Variants in HOXA10 observed in about 807,000 individuals in gnomAD.
The protein encoded by HOXA10 is homeobox A10.
A neutral mutation model predicts 29.7 loss-of-function variants in HOXA10; 12 were observed. That is an observed-to-expected ratio of 0.40 (90% CI 0.26 to 0.65). The LOEUF (loss-of-function observed/expected upper bound fraction) is 0.65, where lower values mean the gene tolerates loss of function less well. Ranked by LOEUF, HOXA10 falls within the 30% of genes least tolerant of loss-of-function variation. The pLI, the probability that HOXA10 is intolerant of heterozygous loss-of-function variation, is 0.37. For missense variants in HOXA10, 656 were observed against 585.9 expected, an observed-to-expected ratio of 1.12 and a Z score of -1.24; for synonymous variants, 327 against 280.7, an observed-to-expected ratio of 1.16 and a Z score of -1.65.
chr7:27,172,255 C>G (rs1562509926), intron 1 of HOXA10, 82 bp from the exon 2 acceptor site: 4 of 1,394,304 alleles, frequency 2.9e-6, no homozygotes, highest in Non-Finnish European at 4.1e-6. Context: ...CTCCGTTTCT[C>G]CCATAAGAGA....
At chr7:27,179,810 T>C (rs1425683625) in exon 1 of HOXA10, 4 of 701,874 alleles carry the variant, frequency 5.7e-6, no homozygotes, top group Middle Eastern at 2.3e-4. Context: ...AGTGAAATAA[T>C]GTACCGTGCT....
chr7:27,173,421 A>G lies in HOXA10; in HGVS notation c.886T>C (p.Ser296Pro). The G allele has an allele frequency of 6.2e-7, 1 of 1,606,794 alleles. No individual in the cohort carries two copies. Among genetic ancestry groups the G allele is most frequent in the Middle Eastern group, 1.9e-4 (1 of 5,242 alleles). Reference protein sequence around the residue: ...SQGDEEAHASSSAAEELSPAP... With the variant: ...SQGDEEAHASPSAAEELSPAP... ...GGGGAGAGCTCCTCCGCGGCCGAGG[A>G]CGACGCGTGCGCCTCCTCGTCGCCC... The change falls in exon 1 of 2, where the codon TCC becomes CCC. Residue 296 changes from serine (S) to proline (P), a missense_variant. Around this residue, in one of 2 missense-constraint regions of HOXA10, gnomAD observed 594 missense variants for 491.9 expected, o/e 1.21. Coordinates refer to ENST00000283921, the MANE Select transcript of HOXA10 (RefSeq NM_018951.4).
intron 1 of HOXA10, 73 bp from the exon 2 acceptor site, chr7:27,172,246 T>C: frequency 7.0e-7 from 1 of 1,437,806 alleles, no homozygotes; most frequent in East Asian, 2.3e-5. Flanking sequence ...GTGAATTGCC[T>C]CCGTTTCTCC....
chr7:27,179,704 T>A, exon 1 of HOXA10: 1 of 772,756 alleles, frequency 1.3e-6, no homozygotes, highest in Non-Finnish European at 2.4e-6. Context: ...GCGGCGACGC[T>A]CGCGAGGCCT....
At chr7:27,178,391 G>A (rs1217244776), upstream of HOXA10, among the ~76,000 whole-genome samples, 1 of 152,190 alleles carries the variant, frequency 6.6e-6, no homozygotes, top group Non-Finnish European at 1.5e-5. Context: ...GAATCTATCA[G>A]GTGCAATCTA....
intron 1 of HOXA10, 133 bp from the exon 2 acceptor site, chr7:27,172,306 T>A (rs1783518935): frequency 2.1e-6 from 2 of 960,620 alleles, no homozygotes; most frequent in Admixed American, 2.1e-5. Context: ...GCCCCCGTTT[T>A]TGGCTTGCTG....
chr7:27,176,774 A>G (rs2115455611), upstream of HOXA10, among the ~76,000 whole-genome samples: 1 of 152,368 alleles, frequency 6.6e-6, no homozygotes, highest in South Asian at 2.1e-4. Context: ...AGGCTATACA[A>G]ATAAAGTAAA....
chr7:27,171,162 T>C lies in HOXA10; in HGVS notation c.*737A>G, dbSNP rs571081671. The stretch of plus-strand genomic sequence containing the variant: ...AAATTTAGAGGTAAATGAAACATTT[T>C]AGTCAGGCAATGTAAGACCTTACAG... On this transcript the variant is annotated 3_prime_UTR_variant, in exon 2 of 2. Coordinates refer to ENST00000283921, the MANE Select transcript of HOXA10 (RefSeq NM_018951.4). The C allele has an allele frequency of 1.1e-4, 51 of 453,670 alleles. No homozygotes were observed. In the Middle Eastern group the frequency reaches 2.1e-3, roughly 19 times the overall value. 28.1% of individuals were successfully genotyped at this position (453,670 alleles called of 1,614,324 possible). A position where few individuals can be genotyped will look rare whatever the true frequency, so the allele number is the denominator to read the frequency against.
chr7:27,172,445 G>A (rs117510908), intron 1 of HOXA10: 10,882 of 536,014 alleles, frequency 0.02, 174 homozygotes, highest in Non-Finnish European at 0.028. Flanking sequence ...GATGCTTGCA[G>A]AAGGAAAGGC....
upstream of HOXA10, among the ~76,000 whole-genome samples, chr7:27,176,031 G>C (rs1452082854): frequency 6.6e-6 from 1 of 152,226 alleles, no homozygotes; most frequent in African/African-American, 2.4e-5. Context: ...GGCCCAGAAG[G>C]CCGCTCCACC....
At chr7:27,175,161 C>A (rs1783631245), upstream of HOXA10, 1 of 152,244 alleles carries the variant, frequency 6.6e-6, no homozygotes, top group African/African-American at 2.4e-5. Flanking sequence ...AGGCCAGAGC[C>A]AGATCCAAGC....
chr7:27,173,783 G>A lies in HOXA10; in HGVS notation c.524C>T (p.Ala175Val), dbSNP rs1487634052. 16 of 1,610,120 alleles carry A rather than the reference G, an allele frequency of 9.9e-6. No homozygotes were observed. Among genetic ancestry groups the A allele is most frequent in the Non-Finnish European group, 1.4e-5 (16 of 1,178,430 alleles). ...EESSYCLYDS[A>V]DKCPKVSATA... is the part of the protein sequence containing the mutation. ...GGCCGAGACTTTGGGGCATTTGTCC[G>A]CCGAGTCGTAGAGGCAGTAGGAGCT... Residue 175 changes from alanine (A) to valine (V), a missense_variant, in exon 1 of 2, where the codon GCG becomes GTG. This residue lies in a region of HOXA10 where 594 missense variants were observed against 491.9 expected (regional missense o/e 1.21). Transcript: ENST00000283921.
In HOXA10 at chr7:27,172,196, G is replaced by A. The variant is rs116858164; in HGVS notation, c.959-23C>T. The A allele has an allele frequency of 2.4e-4, 380 of 1,612,970 alleles. 1 individual carries two copies. The East Asian group carries it at 8.3e-3, about 35-fold the overall frequency. ...TGCCTGGCATGTAAGAGAATAAAGA[G>A]GGGATGATTAAGTCGAGGCCACACG... On this transcript the variant is annotated intron_variant, in intron 1 of 1. Transcript: ENST00000283921.
At chr7:27,176,676 C>T (rs976996233), upstream of HOXA10, among the ~76,000 whole-genome samples, 1 of 152,214 alleles carries the variant, frequency 6.6e-6, no homozygotes, top group African/African-American at 2.4e-5. Flanking sequence ...AGGACCTGGG[C>T]CTAGAGTCAT....
chr7:27,178,308 A>G (rs1007894110), upstream of HOXA10, among the ~76,000 whole-genome samples: 4 of 152,246 alleles, frequency 2.6e-5, no homozygotes, highest in African/African-American at 9.6e-5. Flanking sequence ...ATTTTTCCAC[A>G]AGCAATGATG....
upstream of HOXA10, among the ~76,000 whole-genome samples, chr7:27,177,281 T>C (rs1473304955): frequency 6.6e-6 from 1 of 152,190 alleles, no homozygotes; most frequent in African/African-American, 2.4e-5. Context: ...TATGACTTTT[T>C]CCCCCTTGTA....
exon 1 of HOXA10, chr7:27,179,666 A>T: frequency 5.1e-6 from 4 of 778,996 alleles, no homozygotes; most frequent in Non-Finnish European, 9.6e-6. Flanking sequence ...TTCCGAAATC[A>T]CTGCCAAGGG....
At chr7:27,178,163 G>T (rs1030147086), upstream of HOXA10, among the ~76,000 whole-genome samples, 1 of 152,188 alleles carries the variant, frequency 6.6e-6, no homozygotes, top group African/African-American at 2.4e-5. Flanking sequence ...TCAAGACTCT[G>T]AATTATCCAG....
chr7:27,177,572 C>A (rs1434445498), upstream of HOXA10, among the ~76,000 whole-genome samples: 1 of 152,176 alleles, frequency 6.6e-6, no homozygotes, highest in Non-Finnish European at 1.5e-5. Context: ...CCCTGACCGA[C>A]CCCCAAGGCT....
Sources: allele counts gnomAD v4.1 joint callset (sites outside exome capture counted in the v4.1 genomes callset), GRCh38; gene constraint gnomAD v4.1.1; regional missense constraint gnomAD v4.1.1; transcripts MANE v1.5; gene names NCBI Gene and HGNC (gene_info 2026-07-23, HGNC 2026-07-21).